Variants in TRDN observed in about 807,000 individuals in gnomAD.
TRDN encodes the protein triadin in skeletal muscle.
Under a neutral mutation model 149.7 loss-of-function variants are expected in TRDN, and 161 were observed. That is an observed-to-expected ratio of 1.08 (90% CI 0.95 to 1.23). The LOEUF is 1.23. TRDN is among the 50% of genes most tolerant of loss of function. The probability of loss-of-function intolerance (pLI) is 0.00; values close to 1 mark genes in which losing one functional copy is unlikely to be tolerated. For missense variants in TRDN, 896 were observed against 823.5 expected (o/e 1.09, Z -1.08); for synonymous variants, 294 against 250.5 (o/e 1.17, Z -1.64).
rs200130051 is a variant in TRDN, at chr6:123,360,646, GCATT to G, written c.1321+5485_1321+5488del. On this transcript the variant is annotated intron_variant, in intron 20 of 40. Transcript: ENST00000334268. ...GGCCAGAGGCAGTGCTAGGATTCCA[GCATT>G]CAGAAAGCTGGCTGACATGGGAAGG... is the stretch of plus-strand genomic sequence containing the variant. 7.1e-3 allele frequency among the ~76,000 whole-genome samples: 1,079 copies of G among 151,888 alleles called. 16 individuals are homozygous for G. The highest frequency in any genetic ancestry group is 0.025 in the African/African-American group (1,037 of 41,390).
At chr6:123,626,645 T>C (rs1041368366) in intron 1 of TRDN, among the ~76,000 whole-genome samples, 1 of 152,150 alleles carries the variant, frequency 6.6e-6, no homozygotes, top group African/African-American at 2.4e-5. Context: ...AGGGTTGGAA[T>C]CAACTTTTTA....
At chr6:123,550,824 T>C in intron 2 of TRDN, among the ~76,000 whole-genome samples, 1 of 152,130 alleles carries the variant, frequency 6.6e-6, no homozygotes, top group Middle Eastern at 3.4e-3. Flanking sequence ...TCATTGATAA[T>C]GTACTTTCAC....
chr6:123,310,198 T>C (rs1778765938), intron 24 of TRDN, among the ~76,000 whole-genome samples: 1 of 152,028 alleles, frequency 6.6e-6, no homozygotes, highest in Non-Finnish European at 1.5e-5. Context: ...ATCATAAACC[T>C]TGACTAAAAT....
intron 13 of TRDN, among the ~76,000 whole-genome samples, chr6:123,392,584 C>T (rs954221448): frequency 6.6e-6 from 1 of 151,962 alleles, no homozygotes; most frequent in Non-Finnish European, 1.5e-5. Flanking sequence ...TTCTATCGTT[C>T]ATAATATTTA....
intron 24 of TRDN, among the ~76,000 whole-genome samples, chr6:123,294,859 C>T (rs1339801898): frequency 6.6e-6 from 1 of 152,124 alleles, no homozygotes; most frequent in Non-Finnish European, 1.5e-5. Context: ...TGGAAGTGTC[C>T]TGCTTCTGGC....
At chr6:123,472,784 C>T (rs916806957) in intron 9 of TRDN, among the ~76,000 whole-genome samples, 5 of 152,142 alleles carry the variant, frequency 3.3e-5, no homozygotes, top group Admixed American at 1.3e-4. Context: ...GGTCCCTGAC[C>T]CCTGACCCCC....
intron 9 of TRDN, 85 bp downstream of exon 9, chr6:123,497,108 A>T: frequency 9.4e-7 from 1 of 1,066,876 alleles, no homozygotes; most frequent in East Asian, 3.0e-5. Context: ...TTAAAAAATG[A>T]AAATACAGTT....
At chr6:123,254,471 C>T (rs1191729003) in intron 37 of TRDN, among the ~76,000 whole-genome samples, 1 of 151,898 alleles carries the variant, frequency 6.6e-6, no homozygotes, top group Non-Finnish European at 1.5e-5. Context: ...GATATGTTTA[C>T]CTAGCACCTT....
chr6:123,487,596 TC>T (rs1196865015), intron 9 of TRDN, among the ~76,000 whole-genome samples: 1 of 152,062 alleles, frequency 6.6e-6, no homozygotes, highest in Non-Finnish European at 1.5e-5. Flanking sequence ...TTCAAAGACT[TC>T]CCTTTATGCC....
chr6:123,272,956 CAAAA>C lies in TRDN; in HGVS notation c.1672+4_1672+7del. 1.3e-6 allele frequency: 2 copies of C among 1,525,918 alleles called. No homozygotes were observed. Among genetic ancestry groups the C allele is most frequent in the Non-Finnish European group, 1.8e-6 (2 of 1,134,990 alleles). The allele number at this position is 1,525,918 out of a possible 1,614,324, so 94.5% of individuals were successfully genotyped here. On this transcript the variant is annotated splice_donor_5th_base_variant and intron_variant, in intron 29 of 40. Coordinates refer to ENST00000334268, the MANE Select transcript of TRDN (RefSeq NM_006073.4). ...TATTTGAGACTACAAATACCACCTG[CAAAA>C]TACCTGGTTTACCATGAGAAACAGT... is the stretch of plus-strand genomic sequence containing the variant.
chr6:123,265,827 T>C (rs996921534), intron 32 of TRDN, among the ~76,000 whole-genome samples: 2 of 146,732 alleles, frequency 1.4e-5, no homozygotes, highest in Non-Finnish European at 1.5e-5. Flanking sequence ...TTATAAAATC[T>C]CAAGAATGAA....
intron 1 of TRDN, among the ~76,000 whole-genome samples, chr6:123,631,938 T>C (rs909463304): frequency 3.3e-5 from 5 of 152,092 alleles, no homozygotes; most frequent in Admixed American, 2.6e-4. Flanking sequence ...AAATAATAAG[T>C]AATTTTAAAA....
chr6:123,459,991 C>A (rs1211722094), intron 10 of TRDN, among the ~76,000 whole-genome samples: 1 of 152,114 alleles, frequency 6.6e-6, no homozygotes. Flanking sequence ...AGAAAAGTAG[C>A]ATAAGTTTTC....
intron 10 of TRDN, among the ~76,000 whole-genome samples, chr6:123,447,793 T>C (rs1253558070): frequency 1.4e-5 from 2 of 148,140 alleles, no homozygotes; most frequent in African/African-American, 4.9e-5. Context: ...AAAAAGGTCG[T>C]TGTGAATGTT....
intron 1 of TRDN, among the ~76,000 whole-genome samples, chr6:123,616,158 C>G (rs1420027043): frequency 6.6e-6 from 1 of 152,074 alleles, no homozygotes; most frequent in Admixed American, 6.6e-5. Context: ...TGAGACCAGC[C>G]TTGGCAACAC....
chr6:123,443,220 T>C lies in TRDN; in HGVS notation c.932-4217A>G, dbSNP rs116514292. Among the ~76,000 whole-genome samples the C allele has an allele frequency of 9.5e-3, 1,421 of 148,832 alleles. 19 individuals are homozygous for C. Among genetic ancestry groups the C allele is most frequent in the African/African-American group, 0.033 (1,370 of 40,896 alleles). ...AAAATGAATATGTATGTATATAATA[T>C]ATATATACATATACATATTATATAT... On this transcript the variant is annotated intron_variant, in intron 10 of 40. Transcript: ENST00000334268.
intron 37 of TRDN, 198 bp downstream of exon 37, chr6:123,254,883 G>A: frequency 2.0e-6 from 1 of 488,586 alleles, no homozygotes; most frequent in Non-Finnish European, 3.8e-6. Context: ...TAATAGTTCT[G>A]ATTTCTTCAT....
chr6:123,408,915 T>A (rs1156626761), intron 12 of TRDN, among the ~76,000 whole-genome samples: 1 of 151,964 alleles, frequency 6.6e-6, no homozygotes, highest in Non-Finnish European at 1.5e-5. Flanking sequence ...CAGCTCAGGG[T>A]CAAATAACAC....
intron 12 of TRDN, among the ~76,000 whole-genome samples, chr6:123,425,796 A>G (rs1774096268): frequency 6.6e-6 from 1 of 152,086 alleles, no homozygotes; most frequent in Admixed American, 6.6e-5. Flanking sequence ...GTTTAGCTGT[A>G]AAGGGGATCT....
Sources: allele counts gnomAD v4.1 joint callset (sites outside exome capture counted in the v4.1 genomes callset), GRCh38; gene constraint gnomAD v4.1.1; transcripts MANE v1.5; gene names NCBI Gene and HGNC (gene_info 2026-07-23, HGNC 2026-07-21).